Variants in RRM1 observed in about 807,000 individuals in gnomAD.
The protein encoded by RRM1 is ribonucleotide reductase catalytic subunit M1.
RRM1 carries 19 observed loss-of-function variants against 101.5 expected under a neutral mutation model. That is an observed-to-expected ratio of 0.19 (90% confidence interval 0.13 to 0.27). The LOEUF is 0.27. Ranked by LOEUF, RRM1 falls within the 10% of genes least tolerant of loss-of-function variation. The probability of loss-of-function intolerance (pLI) is 1.00; values close to 1 mark genes in which losing one functional copy is unlikely to be tolerated. For missense variants in RRM1, 500 were observed against 962.9 expected (o/e 0.52, Z 6.36); for synonymous variants, 298 against 323.4 (o/e 0.92, Z 0.84).
chr11:4,137,477 C>T (rs1398137908), intron 18 of RRM1, among the ~76,000 whole-genome samples: 2 of 126,314 alleles, frequency 1.6e-5, no homozygotes, highest in African/African-American at 6.2e-5. Context: ...CCGGACGGGG[C>T]GGCTGGCCGG....
rs1215086925 is a variant in RRM1, at chr11:4,095,001, C to T, written c.-12C>T. On this transcript the variant is annotated 5_prime_UTR_variant, in exon 1 of 19. Coordinates refer to ENST00000300738, the MANE Select transcript of RRM1 (RefSeq NM_001033.5). ...AGTCTTGGATCCTTCAGAGCCTCAG[C>T]CACTAGCTGCGATGCATGTGATCAA... 6.4e-7 allele frequency: 1 copy of T among 1,564,518 alleles called. No homozygotes were observed. Among genetic ancestry groups the T allele is most frequent in the Non-Finnish European group, 8.7e-7 (1 of 1,154,428 alleles).
intron 1 of RRM1, chr11:4,099,451 A>G (rs1341289138): frequency 1.3e-5 from 2 of 151,872 alleles, no homozygotes; most frequent in African/African-American, 2.4e-5. Context: ...TGGCTAGAGG[A>G]TTTTAAAAGA....
intron 1 of RRM1, among the ~76,000 whole-genome samples, chr11:4,097,891 G>T (rs886884460): frequency 1.3e-5 from 2 of 152,216 alleles, no homozygotes; most frequent in African/African-American, 2.4e-5. Flanking sequence ...ACTTAAAATT[G>T]TTAGGGATTT....
intron 18 of RRM1, among the ~76,000 whole-genome samples, chr11:4,135,529 G>A (rs1039779886): frequency 6.6e-6 from 1 of 151,988 alleles, no homozygotes; most frequent in Non-Finnish European, 1.5e-5. Context: ...TTTACTGTCC[G>A]TACAATTACC....
At chr11:4,128,476 T>G (rs2094593656) in intron 14 of RRM1, among the ~76,000 whole-genome samples, 1 of 152,174 alleles carries the variant, frequency 6.6e-6, no homozygotes, top group Admixed American at 6.5e-5. Flanking sequence ...TGCAGAAACC[T>G]TTCACCTTTG....
Position 4,109,635 on chromosome 11 carries a change from C to A in RRM1, c.388-9C>A, listed in dbSNP as rs1477605889. 6.3e-7 allele frequency: 1 copy of A among 1,595,478 alleles called. No homozygotes were observed. Among genetic ancestry groups the A allele is most frequent in the South Asian group, 1.2e-5 (1 of 86,936 alleles). ...AATTTAATTATGGGTTCTTTTTCAC[C>A]CCTATCAGCGCCTGAATTCTGCTAT... is the stretch of plus-strand genomic sequence containing the variant. On this transcript the variant is annotated splice_polypyrimidine_tract_variant and intron_variant, in intron 4 of 18. Transcript: ENST00000300738.
At chr11:4,096,712 A>G (rs1398942088) in intron 1 of RRM1, among the ~76,000 whole-genome samples, 1 of 152,000 alleles carries the variant, frequency 6.6e-6, no homozygotes. Context: ...TATGTTGCCC[A>G]GGCTTGTCTT....
At chr11:4,101,057 TG>T (rs983118677) in intron 1 of RRM1, among the ~76,000 whole-genome samples, 9 of 152,108 alleles carry the variant, frequency 5.9e-5, no homozygotes, top group African/African-American at 2.2e-4. Context: ...GTATGTCAGA[TG>T]GGGTAAGTGC....
chr11:4,128,532 A>T (rs1349697533), intron 14 of RRM1, among the ~76,000 whole-genome samples: 1 of 152,252 alleles, frequency 6.6e-6, no homozygotes, highest in African/African-American at 2.4e-5. Flanking sequence ...AGTCATGTCC[A>T]TACTCAAGTG....
At chr11:4,096,060 C>A (rs145243996) in intron 1 of RRM1, among the ~76,000 whole-genome samples, 1 of 152,186 alleles carries the variant, frequency 6.6e-6, no homozygotes, top group Non-Finnish European at 1.5e-5. Context: ...GAGTCTTGCT[C>A]TGTCACCCAG....
intron 7 of RRM1, among the ~76,000 whole-genome samples, chr11:4,115,507 CA>C (rs1217828429): frequency 0.047 from 4,989 of 105,102 alleles, 197 homozygotes; most frequent in African/African-American, 0.13. Flanking sequence ...GGGAGCACTC[CA>C]AAAAAAAAAA....
chr11:4,102,607 G>A (rs369872693), intron 2 of RRM1, among the ~76,000 whole-genome samples: 64 of 150,640 alleles, frequency 4.2e-4, no homozygotes, highest in African/African-American at 1.5e-3. Flanking sequence ...AGCCGAGATC[G>A]TGCCACTGCA....
chr11:4,095,968 T>C (rs917614287), intron 1 of RRM1, among the ~76,000 whole-genome samples: 6 of 152,228 alleles, frequency 3.9e-5, no homozygotes, highest in African/African-American at 1.4e-4. Context: ...AGGCACTTAG[T>C]AAATACTGGT....
chr11:4,130,536 A>C (rs1427923752), intron 15 of RRM1, among the ~76,000 whole-genome samples: 1 of 152,114 alleles, frequency 6.6e-6, no homozygotes, highest in African/African-American at 2.4e-5. Flanking sequence ...TCTCTACTAA[A>C]AATACAAAAA....
At chr11:4,123,122 T>C in intron 11 of RRM1, 61 bp from the exon 12 acceptor site, 1 of 1,257,218 alleles carries the variant, frequency 8.0e-7, no homozygotes, top group South Asian at 1.4e-5. Flanking sequence ...TGTCTTCAAG[T>C]TGTCTACAAT....
chr11:4,128,997 G>C, intron 14 of RRM1, 77 bp from the exon 15 acceptor site: 1 of 760,342 alleles, frequency 1.3e-6, no homozygotes, highest in East Asian at 2.6e-5. Flanking sequence ...ATGGCAGCTA[G>C]TCATTTGTGG....
chr11:4,108,561 G>T (rs1446038664), intron 4 of RRM1, among the ~76,000 whole-genome samples: 1 of 131,072 alleles, frequency 7.6e-6, no homozygotes, highest in Non-Finnish European at 1.5e-5. Context: ...TTGGGCCACT[G>T]CACTCCAGCC....
chr11:4,127,188 G>A lies in RRM1; in HGVS notation c.1624G>A (p.Ala542Thr), dbSNP rs151229650. The part of the protein sequence containing the change: ...FETIYYGALE[A>T]SCDLAKEQGP... ...AACTATTTATTATGGTGCTCTGGAA[G>A]CCAGCTGTGACCTTGCCAAGGAGCA... The change falls in exon 14 of 19, where the codon GCC becomes ACC. Residue 542 changes from alanine to threonine, a missense_variant. Transcript: ENST00000300738. 17 of 1,613,566 alleles carry A rather than the reference G, an allele frequency of 1.1e-5. No individual in the cohort carries two copies. Among genetic ancestry groups the A allele is most frequent in the African/African-American group, 4.0e-5 (3 of 74,900 alleles).
intron 14 of RRM1, 101 bp from the exon 15 acceptor site, chr11:4,128,973 T>G (rs1310868177): frequency 6.4e-6 from 4 of 621,644 alleles, no homozygotes; most frequent in Non-Finnish European, 1.1e-5. Flanking sequence ...CAGCATTTGT[T>G]GGGATGTGGG....
Sources: allele counts gnomAD v4.1 joint callset (sites outside exome capture counted in the v4.1 genomes callset), GRCh38; gene constraint gnomAD v4.1.1; transcripts MANE v1.5; gene names NCBI Gene and HGNC (gene_info 2026-07-23, HGNC 2026-07-21).